PRKAG2: variants seen among roughly 807,000 people sequenced by gnomAD.
PRKAG2 encodes 5'-AMP-activated protein kinase subunit gamma-2.
Under a neutral mutation model 69.6 loss-of-function variants are expected in PRKAG2, and 26 were observed. That is an observed-to-expected ratio of 0.37 (90% CI 0.27 to 0.52). The LOEUF is 0.52. Ranked by LOEUF, PRKAG2 falls within the 20% of genes least tolerant of loss-of-function variation. The pLI is 0.90. For missense variants in PRKAG2, 557 were observed against 740.0 expected (o/e 0.75, Z 2.87); for synonymous variants, 293 against 285.0 (o/e 1.03, Z -0.28).
chr7:151,696,268 G>A (rs112810819), intron 3 of PRKAG2, among the ~76,000 whole-genome samples: 28,981 of 152,176 alleles, frequency 0.19, 3,289 homozygotes, highest in Non-Finnish European at 0.26. Flanking sequence ...AACGTGGCGC[G>A]CCCGGGGCCT....
At position 151,583,145 on chromosome 7, in the gene PRKAG2, T is replaced by C. The variant is rs1417591124; in HGVS notation, c.865-6693A>G. ...AAGTGATCCTTATGCCTCAGCCTCC[T>C]GAGTAGCTGGGATCACAGGCATATG... On this transcript the variant is annotated intron_variant, in intron 6 of 15. Transcript: ENST00000287878. This position sits in a 1 kb window ranked among gnomAD's most constrained non-coding sequence, Gnocchi z 4.1. 1.3e-5 allele frequency among the ~76,000 whole-genome samples: 2 copies of C among 152,166 alleles called. No homozygotes were observed. The highest frequency in any genetic ancestry group is 2.4e-5 in the African/African-American group (1 of 41,456).
chr7:151,800,124 G>C (rs112023402), intron 1 of PRKAG2, among the ~76,000 whole-genome samples: 2 of 151,698 alleles, frequency 1.3e-5, no homozygotes, highest in East Asian at 3.9e-4. Flanking sequence ...TTGGGAGGCC[G>C]AGGTGGGCGG....
intron 4 of PRKAG2, among the ~76,000 whole-genome samples, chr7:151,645,086 C>T (rs1827340753): frequency 6.6e-6 from 1 of 152,116 alleles, no homozygotes; most frequent in Non-Finnish European, 1.5e-5. Context: ...GCATGATCCC[C>T]ACCTCCTGGC....
chr7:151,600,493 C>T (rs992477505), intron 5 of PRKAG2, among the ~76,000 whole-genome samples: 1 of 152,190 alleles, frequency 6.6e-6, no homozygotes, highest in East Asian at 1.9e-4. Flanking sequence ...TATTTTCATT[C>T]TGACCTCTCT....
chr7:151,743,471 G>T (rs888047307), intron 3 of PRKAG2, among the ~76,000 whole-genome samples: 40 of 152,300 alleles, frequency 2.6e-4, no homozygotes, highest in African/African-American at 9.6e-4. Context: ...GTGTCTTCTG[G>T]TGGCTGTTCT....
chr7:151,721,454 G>A (rs555583654), intron 3 of PRKAG2, among the ~76,000 whole-genome samples: 1 of 152,234 alleles, frequency 6.6e-6, no homozygotes, highest in South Asian at 2.1e-4. Context: ...GGTGCCTGAG[G>A]GCCTGGCTCC....
Position 151,836,119 on chromosome 7 carries a change from G to A in PRKAG2, c.114+40388C>T, listed in dbSNP as rs1477838551. ...GTGATTACAATGAATATTCATGACC[G>A]CTTCCCATATCCTGAGTTTTGTCTT... On this transcript the variant is annotated intron_variant, in intron 1 of 15. Transcript: ENST00000287878. The surrounding 1 kb of genome is among the most constrained non-coding windows in gnomAD (Gnocchi z 4.1). Among the ~76,000 whole-genome samples, 2 of 152,202 alleles carry A rather than the reference G, an allele frequency of 1.3e-5. No homozygotes were observed. Among genetic ancestry groups the A allele is most frequent in the African/African-American group, 4.8e-5 (2 of 41,448 alleles).
chr7:151,865,055 T>A (rs2080027610), intron 1 of PRKAG2, among the ~76,000 whole-genome samples: 1 of 152,240 alleles, frequency 6.6e-6, no homozygotes, highest in Non-Finnish European at 1.5e-5. Context: ...ACAGGTTAAG[T>A]GACTGGTTCC....
At chr7:151,617,567 T>A (rs2538044) in intron 5 of PRKAG2, among the ~76,000 whole-genome samples, 110,335 of 152,062 alleles carry the variant, frequency 0.73, 40,328 homozygotes, top group East Asian at 0.96. Flanking sequence ...ACATTCTTTG[T>A]TGTTACATAA....
At chr7:151,631,725 T>A (rs1343987841) in intron 5 of PRKAG2, 2 of 463,516 alleles carry the variant, frequency 4.3e-6, no homozygotes, top group South Asian at 1.5e-5. Context: ...TGCCTCCGAG[T>A]GCATGGTGAC....
intron 6 of PRKAG2, among the ~76,000 whole-genome samples, chr7:151,593,471 G>A (rs1265739697): frequency 6.6e-6 from 1 of 152,194 alleles, no homozygotes; most frequent in African/African-American, 2.4e-5. Context: ...TGGAATTACA[G>A]GTTTGAGCCA....
chr7:151,773,249 G>GGAAA lies in PRKAG2; in HGVS notation c.466+7899_466+7902dup, dbSNP rs559991612. Among the ~76,000 whole-genome samples, 9 of 146,754 alleles carry GGAAA rather than the reference G, an allele frequency of 6.1e-5. No homozygotes were observed. The East Asian group carries it at 1.0e-3, about 16-fold the overall frequency. ...GAAAGAAAGGAAAGGAAAGAAAGAAGGAAAGAAAGAAAGAAAGAGAAAGAA... is the reference window on the plus strand; with the variant it reads ...GAAAGAAAGGAAAGGAAAGAAAGAAGGAAAGAAAGAAAGAAAGAAAGAGAAAGAA... On this transcript the variant is annotated intron_variant, in intron 3 of 15. Transcript: ENST00000287878.
At chr7:151,669,741 T>C (rs111797536) in intron 4 of PRKAG2, among the ~76,000 whole-genome samples, 8 of 139,910 alleles carry the variant, frequency 5.7e-5, no homozygotes, top group African/African-American at 2.1e-4. Flanking sequence ...CACACACCTG[T>C]GCACACACCT....
chr7:151,844,879 C>T (rs2079393739), intron 1 of PRKAG2, among the ~76,000 whole-genome samples: 1 of 152,038 alleles, frequency 6.6e-6, no homozygotes. Flanking sequence ...ACATATATTC[C>T]CTCTTGGGCT....
chr7:151,561,488 G>A (rs1001424767), intron 14 of PRKAG2, among the ~76,000 whole-genome samples: 27 of 152,188 alleles, frequency 1.8e-4, no homozygotes, highest in Admixed American at 1.3e-3. Context: ...GCATCCAAGA[G>A]GATAAATGAG....
intron 4 of PRKAG2, among the ~76,000 whole-genome samples, chr7:151,634,768 A>G (rs1188687677): frequency 6.6e-6 from 1 of 152,210 alleles, no homozygotes; most frequent in Admixed American, 6.5e-5. Context: ...AAAGATGTTC[A>G]AAGTCATTAG....
intron 5 of PRKAG2, among the ~76,000 whole-genome samples, chr7:151,619,268 G>A (rs1340499308): frequency 3.9e-5 from 6 of 152,156 alleles, no homozygotes; most frequent in African/African-American, 9.7e-5. Context: ...AACGGTGATG[G>A]CCAAGGAGAG....
chr7:151,601,413 T>C (rs1009004619), intron 5 of PRKAG2, among the ~76,000 whole-genome samples: 2 of 152,188 alleles, frequency 1.3e-5, no homozygotes, highest in Non-Finnish European at 2.9e-5. Context: ...AAGTAATCCA[T>C]ACATTAATTC....
chr7:151,737,760 T>A (rs984998568), intron 3 of PRKAG2, among the ~76,000 whole-genome samples: 3 of 152,152 alleles, frequency 2.0e-5, no homozygotes, highest in Non-Finnish European at 2.9e-5. Flanking sequence ...GCCCAGTCAC[T>A]GCAGATGCCT....
Sources: allele counts gnomAD v4.1 joint callset (sites outside exome capture counted in the v4.1 genomes callset), GRCh38; gene constraint gnomAD v4.1.1; non-coding constraint Gnocchi (gnomAD v3.1); transcripts MANE v1.5; gene names NCBI Gene and HGNC (gene_info 2026-07-23, HGNC 2026-07-21).